NHSL2: variants seen among roughly 807,000 people sequenced by gnomAD.
NHSL2 encodes NHS-like protein 2.
In NHSL2, 27 loss-of-function variants were observed where a neutral mutation model predicts 53.4. That is an observed-to-expected ratio of 0.51 (90% CI 0.37 to 0.70). The LOEUF is 0.70. Ranked by LOEUF, NHSL2 falls within the 30% of genes least tolerant of loss-of-function variation. The probability of loss-of-function intolerance (pLI) is 0.00; values close to 1 mark genes in which losing one functional copy is unlikely to be tolerated. For synonymous variants in NHSL2, 408 were observed against 404.1 expected (o/e 1.01, Z -0.12); for missense variants, 892 against 980.1 (o/e 0.91, Z 1.20).
Position 72,037,348 on chromosome X carries a change from G to A in NHSL2, c.281-94731G>A, listed in dbSNP as rs376843189. Among the ~76,000 whole-genome samples, 236 of 107,798 alleles carry A rather than the reference G, an allele frequency of 2.2e-3. 1 individual carries two copies. Among genetic ancestry groups the A allele is most frequent in the African/African-American group, 7.2e-3 (213 of 29,578 alleles). The allele number at this position is 107,798 out of a possible 115,157, so 93.6% of individuals were successfully genotyped here. A position where few individuals can be genotyped will look rare whatever the true frequency, so the allele number is the denominator to read the frequency against. ...TGAGGCAGGAGAATGGCATGAACCC[G>A]GGAGGTGGAGCTTGCAGTGAGCCGA... On this transcript the variant is annotated intron_variant, in intron 1 of 7. Transcript: ENST00000633930.
chrX:72,052,280 G>A (rs2042345048), intron 1 of NHSL2, among the ~76,000 whole-genome samples: 1 of 112,250 alleles, frequency 8.9e-6, no homozygotes, highest in African/African-American at 3.2e-5. Flanking sequence ...AGTCCTCCGA[G>A]GCACACCTGT....
intron 1 of NHSL2, among the ~76,000 whole-genome samples, chrX:72,105,221 A>G (rs748604883): frequency 6.4e-5 from 7 of 109,932 alleles, no homozygotes; most frequent in Non-Finnish European, 1.9e-5. Flanking sequence ...AAGAGACTCA[A>G]CCGTGAGCCA....
chrX:72,086,816 T>G (rs1177565218), intron 1 of NHSL2, among the ~76,000 whole-genome samples: 1 of 111,559 alleles, frequency 9.0e-6, no homozygotes. Flanking sequence ...TTTAACTCAT[T>G]ACAGTAAAGC....
chrX:72,118,539 C>T (rs1240895354), intron 1 of NHSL2, among the ~76,000 whole-genome samples: 2 of 111,458 alleles, frequency 1.8e-5, no homozygotes, highest in Non-Finnish European at 3.8e-5. Flanking sequence ...AATCCTCTGC[C>T]TCAGCCTCCC....
intron 1 of NHSL2, chrX:72,080,391 G>C (rs897641034): frequency 8.9e-6 from 1 of 111,803 alleles, no homozygotes; most frequent in African/African-American, 3.3e-5. Flanking sequence ...GCTGCTTTGG[G>C]AGGGAGTGGG....
At chrX:71,967,208 T>G (rs1209136055) in intron 1 of NHSL2, among the ~76,000 whole-genome samples, 1 of 111,600 alleles carries the variant, frequency 9.0e-6, no homozygotes, top group African/African-American at 3.3e-5. Flanking sequence ...AGAGGCTTAT[T>G]GATTTTATTG....
chrX:72,071,650 A>C (rs1425958008), intron 1 of NHSL2, among the ~76,000 whole-genome samples: 1 of 111,031 alleles, frequency 9.0e-6, no homozygotes, highest in Non-Finnish European at 1.9e-5. Flanking sequence ...AGGTGATCCC[A>C]GAAGCCCCGA....
In NHSL2 at chrX:71,963,999, A is replaced by ATATATG. The variant is rs1491186994; in HGVS notation, c.280+52632_280+52633insTATATG. 2.6e-3 allele frequency among the ~76,000 whole-genome samples: 103 copies of ATATATG among 39,380 alleles called. 4 individuals carry two copies. The highest frequency in any genetic ancestry group is 0.012 in the African/African-American group (102 of 8,520). The allele number at this position is 39,380 out of a possible 115,157, so 34.2% of individuals were successfully genotyped here. A position where few individuals can be genotyped will look rare whatever the true frequency, so the allele number is the denominator to read the frequency against. The stretch of plus-strand genomic sequence containing the variant: ...CATATATATATATATATATGTATAT[A>ATATATG]CATATATATATGTATATATATATAT... On this transcript the variant is annotated intron_variant, in intron 1 of 7. Transcript: ENST00000633930.
chrX:71,962,993 C>T (rs1378637976), intron 1 of NHSL2, among the ~76,000 whole-genome samples: 1 of 109,821 alleles, frequency 9.1e-6, no homozygotes, highest in Non-Finnish European at 1.9e-5. Flanking sequence ...TTTCCTTGGT[C>T]AGTCTAGCTA....
chrX:71,914,965 G>A (rs1045925627), intron 1 of NHSL2, among the ~76,000 whole-genome samples: 3 of 110,340 alleles, frequency 2.7e-5, no homozygotes, highest in Non-Finnish European at 5.7e-5. Flanking sequence ...TTGGGACAGA[G>A]GGTTGACAGA....
chrX:72,037,715 C>T (rs1484852416), intron 1 of NHSL2, among the ~76,000 whole-genome samples: 1 of 111,944 alleles, frequency 8.9e-6, no homozygotes, highest in Non-Finnish European at 1.9e-5. Context: ...ACCAGTGCCC[C>T]CAGTGTTGGC....
chrX:71,915,791 A>G (rs1207414123), intron 1 of NHSL2, among the ~76,000 whole-genome samples: 4 of 111,304 alleles, frequency 3.6e-5, no homozygotes, highest in Non-Finnish European at 7.5e-5. Flanking sequence ...AGTGATGCTA[A>G]GTTCAAAGTC....
At chrX:71,988,152 C>T (rs1266951827) in intron 1 of NHSL2, among the ~76,000 whole-genome samples, 2 of 111,765 alleles carry the variant, frequency 1.8e-5, no homozygotes, top group East Asian at 2.8e-4. Flanking sequence ...ATGGGGAAGG[C>T]GAGTTGCTCA....
At chrX:71,952,804 T>TAC (rs2041826910) in intron 1 of NHSL2, among the ~76,000 whole-genome samples, 1 of 110,158 alleles carries the variant, frequency 9.1e-6, no homozygotes, top group African/African-American at 3.3e-5. Context: ...GTCCACACTA[T>TAC]ACCAGGTGGC....
chrX:71,937,599 T>C (rs1039552345), intron 1 of NHSL2, among the ~76,000 whole-genome samples: 17 of 112,356 alleles, frequency 1.5e-4, no homozygotes, highest in African/African-American at 5.2e-4. Context: ...GCTAAAAACT[T>C]ACCCTTACTA....
chrX:71,921,093 G>T (rs1445256158), intron 1 of NHSL2, among the ~76,000 whole-genome samples: 1 of 108,628 alleles, frequency 9.2e-6, no homozygotes, highest in African/African-American at 3.3e-5. Flanking sequence ...GTGAGCCACC[G>T]TTCCCGGCCA....
intron 1 of NHSL2, among the ~76,000 whole-genome samples, chrX:71,933,835 C>G (rs1319351381): frequency 9.0e-6 from 1 of 111,548 alleles, no homozygotes; most frequent in Non-Finnish European, 1.9e-5. Flanking sequence ...TTCACCATTC[C>G]AGCCACTGAG....
chrX:72,042,272 A>G (rs941351610), intron 1 of NHSL2, among the ~76,000 whole-genome samples: 2 of 112,895 alleles, frequency 1.8e-5, no homozygotes, highest in African/African-American at 6.4e-5. Context: ...CCACAGGGTC[A>G]GGCAGAGTGA....
At chrX:72,097,975 C>T (rs2041956619) in intron 1 of NHSL2, among the ~76,000 whole-genome samples, 1 of 112,538 alleles carries the variant, frequency 8.9e-6, no homozygotes, top group African/African-American at 3.2e-5. Context: ...AGTTATTGTC[C>T]TCTCTTCTGT....
Sources: allele counts gnomAD v4.1 joint callset (sites outside exome capture counted in the v4.1 genomes callset), GRCh38; gene constraint gnomAD v4.1.1; transcripts MANE v1.5; gene names NCBI Gene and HGNC (gene_info 2026-07-23, HGNC 2026-07-21).